The following TTC23L variants were observed in gnomAD, a reference collection of about 807,000 sequenced individuals.
The protein encoded by TTC23L is tetratricopeptide repeat domain 23 like.
Under a neutral mutation model 48.1 loss-of-function variants are expected in TTC23L, and 42 were observed. That is an observed-to-expected ratio of 0.87 (90% CI 0.68 to 1.13). The LOEUF (loss-of-function observed/expected upper bound fraction) is 1.13. Ranked by LOEUF, TTC23L falls within the 50% of genes most tolerant of loss-of-function variation. TTC23L has a pLI of 0.00. For missense variants in TTC23L, 391 were observed against 421.0 expected (o/e 0.93, Z 0.62); for synonymous variants, 159 against 157.2 (o/e 1.01, Z -0.09).
At chr5:34,901,069 T>A (rs1384960730), downstream of TTC23L, among the ~76,000 whole-genome samples, 2 of 152,158 alleles carry the variant, frequency 1.3e-5, no homozygotes, top group Non-Finnish European at 2.9e-5. Flanking sequence ...TTTGAGAAAA[T>A]TTAGCTTTTT....
intron 8 of TTC23L, among the ~76,000 whole-genome samples, chr5:34,873,924 G>A (rs976041812): frequency 2.0e-5 from 3 of 152,170 alleles, no homozygotes; most frequent in African/African-American, 7.2e-5. Context: ...ACTAAGCTAT[G>A]CAGACACAGG....
chr5:34,909,654 A>G, the TTC23L span, among the ~76,000 whole-genome samples: 39 of 152,308 alleles, frequency 2.6e-4, no homozygotes, highest in East Asian at 1.7e-3. Flanking sequence ...TCAGAAATAT[A>G]TAACAGGCGA....
chr5:34,880,459 C>T, intron 9 of TTC23L, 151 bp downstream of exon 9: 1 of 872,700 alleles, frequency 1.1e-6, no homozygotes, highest in Non-Finnish European at 1.7e-6. Flanking sequence ...CTAGCATTAA[C>T]CGAATTATTT....
At chr5:34,913,838 A>T in the TTC23L span, 1 of 503,780 alleles carries the variant, frequency 2.0e-6, no homozygotes, top group South Asian at 1.8e-5. Context: ...CACTTGGAAA[A>T]TAGACGAATG....
the TTC23L span, chr5:34,914,605 TAA>T: frequency 5.8e-6 from 7 of 1,198,756 alleles, no homozygotes; most frequent in South Asian, 6.4e-5. Context: ...TTATGACTAT[TAA>T]GTTATTTTGT....
At chr5:34,857,334 C>T (rs1760211811) in intron 4 of TTC23L, among the ~76,000 whole-genome samples, 1 of 152,172 alleles carries the variant, frequency 6.6e-6, no homozygotes, top group Non-Finnish European at 1.5e-5. Context: ...GTACTTTAGT[C>T]AGCCTATTAT....
intron 6 of TTC23L, 142 bp downstream of exon 6, chr5:34,864,704 A>T: frequency 9.4e-7 from 1 of 1,062,830 alleles, no homozygotes; most frequent in Middle Eastern, 3.1e-4. Context: ...AAATGGATAC[A>T]CTGGGCATTT....
At chr5:34,882,834 G>A (rs1381636099) in intron 9 of TTC23L, among the ~76,000 whole-genome samples, 1 of 152,106 alleles carries the variant, frequency 6.6e-6, no homozygotes, top group Admixed American at 6.5e-5. Flanking sequence ...GAGCCTAGGG[G>A]TTTGAGACCA....
chr5:34,905,873 T>C, the TTC23L span: 1 of 152,176 alleles, frequency 6.6e-6, no homozygotes, highest in Non-Finnish European at 1.5e-5. Flanking sequence ...AGTACCTTGA[T>C]GTTAGGGTGA....
intron 9 of TTC23L, among the ~76,000 whole-genome samples, chr5:34,894,245 A>G (rs1371402405): frequency 6.6e-6 from 1 of 152,160 alleles, no homozygotes; most frequent in African/African-American, 2.4e-5. Flanking sequence ...ACATACATAA[A>G]TATATCTTTT....
chr5:34,888,673 A>T (rs2111767162), intron 9 of TTC23L: 1 of 217,304 alleles, frequency 4.6e-6, no homozygotes, highest in East Asian at 1.8e-4. Context: ...CCTGTGTATG[A>T]ATTTGACCAA....
chr5:34,868,840 T>C (rs1761242741), intron 7 of TTC23L, 65 bp from the exon 8 acceptor site: 1 of 1,408,560 alleles, frequency 7.1e-7, no homozygotes, highest in Non-Finnish European at 9.8e-7. Context: ...AACTCACCTC[T>C]CATCTAAATC....
intron 4 of TTC23L, among the ~76,000 whole-genome samples, chr5:34,852,766 T>C (rs1759779195): frequency 6.6e-6 from 1 of 152,108 alleles, no homozygotes; most frequent in Admixed American, 6.5e-5. Context: ...TTCATGCTGC[T>C]AATAAAGACA....
intron 8 of TTC23L, among the ~76,000 whole-genome samples, chr5:34,877,830 A>G (rs1342561203): frequency 6.6e-6 from 1 of 152,186 alleles, no homozygotes; most frequent in African/African-American, 2.4e-5. Flanking sequence ...AGACCTAGCT[A>G]ATGGAATAAG....
At position 34,840,239 on chromosome 5, in the gene TTC23L, G is replaced by C; in HGVS notation, c.-7-426G>C. ...GCTATTAATTAGTGAAATGACCCCG[G>C]GGGGGGGGGGGAAAGCAGAATTAAC... On this transcript the variant is annotated intron_variant, in intron 1 of 10. Transcript: ENST00000505624. 1.4e-5 allele frequency among the ~76,000 whole-genome samples: 2 copies of C among 138,264 alleles called. 1 individual carries two copies. Among genetic ancestry groups the C allele is most frequent in the Non-Finnish European group, 3.2e-5 (2 of 62,984 alleles). The allele number at this position is 138,264 out of a possible 152,430, so 90.7% of individuals were successfully genotyped here.
chr5:34,841,894 T>C (rs918260198), intron 2 of TTC23L, among the ~76,000 whole-genome samples: 2 of 152,188 alleles, frequency 1.3e-5, no homozygotes, highest in Non-Finnish European at 2.9e-5. Flanking sequence ...GGATAACTGT[T>C]TGTTGTGGAG....
intron 9 of TTC23L, among the ~76,000 whole-genome samples, chr5:34,889,862 CAG>C (rs1275113356): frequency 2.0e-5 from 3 of 151,194 alleles, no homozygotes; most frequent in Admixed American, 1.3e-4. Flanking sequence ...TTTTTTGAGA[CAG>C]AGTCTTGCTC....
At chr5:34,916,082 C>G in the TTC23L span, 2 of 622,526 alleles carry the variant, frequency 3.2e-6, no homozygotes, top group Non-Finnish European at 5.0e-6. Context: ...TGCACGTGGC[C>G]GTCTTCCTGG....
chr5:34,870,991 G>A (rs1761412817), intron 8 of TTC23L, among the ~76,000 whole-genome samples: 1 of 152,150 alleles, frequency 6.6e-6, no homozygotes, highest in Admixed American at 6.5e-5. Context: ...AAACCCTGCA[G>A]CTGATTTCAT....
Sources: gnomAD v4.1 joint callset for allele counts (sites outside exome capture counted in the v4.1 genomes callset) on GRCh38, gnomAD v4.1.1 for gene constraint, MANE v1.5 for transcripts, NCBI Gene and HGNC (gene_info 2026-07-23, HGNC 2026-07-21) for gene names.